Variants in PTPRD observed in about 807,000 individuals in gnomAD.
The protein encoded by PTPRD is receptor-type tyrosine-protein phosphatase delta.
Under a neutral mutation model 214.5 loss-of-function variants are expected in PTPRD, and 34 were observed. That is an observed-to-expected ratio of 0.16 (90% CI 0.12 to 0.21). The LOEUF is 0.21. Ranked by LOEUF, PTPRD falls within the 10% of genes least tolerant of loss-of-function variation. The pLI is 1.00. For synonymous variants in PTPRD, 1,128 were observed against 845.7 expected, an observed-to-expected ratio of 1.33 and a Z score of -5.79; for missense variants, 2,545 against 2,398.7, an observed-to-expected ratio of 1.06 and a Z score of -1.27.
chr9:10,284,088 A>G (rs1445531841), intron 3 of PTPRD, among the ~76,000 whole-genome samples: 1 of 152,166 alleles, frequency 6.6e-6, no homozygotes, highest in African/African-American at 2.4e-5. Flanking sequence ...TTCTGTGATT[A>G]TTAGAATTAC....
At chr9:8,609,929 C>A (rs1391161968) in intron 14 of PTPRD, among the ~76,000 whole-genome samples, 2 of 152,030 alleles carry the variant, frequency 1.3e-5, no homozygotes, top group Non-Finnish European at 2.9e-5. Flanking sequence ...TTGAATAAGA[C>A]AAGATTAGAT....
intron 12 of PTPRD, among the ~76,000 whole-genome samples, chr9:8,704,272 A>T (rs1208857112): frequency 6.6e-6 from 1 of 152,024 alleles, no homozygotes; most frequent in Non-Finnish European, 1.5e-5. Flanking sequence ...ATCTCCCTAC[A>T]CACTCCCTAA....
chr9:10,155,037 A>G (rs1003899847), intron 3 of PTPRD, among the ~76,000 whole-genome samples: 2 of 152,090 alleles, frequency 1.3e-5, no homozygotes, highest in Admixed American at 6.6e-5. Context: ...TGTTTTGGGA[A>G]GTATGGCCAT....
At position 10,519,823 on chromosome 9, in the gene PTPRD, A is replaced by C. The variant is rs75774050; in HGVS notation, c.-600+92575T>G. On this transcript the variant is annotated intron_variant, in intron 2 of 45. Coordinates refer to ENST00000381196, the MANE Select transcript of PTPRD (RefSeq NM_002839.4). ...TTTCGGGGACTCATAAACCATGTCC[A>C]TATAAAACAGTAAACTTGATTAACT... Among the ~76,000 whole-genome samples the C allele has an allele frequency of 4.6e-3, 704 of 152,214 alleles. 7 individuals carry two copies. The highest frequency in any genetic ancestry group is 0.016 in the African/African-American group (666 of 41,524).
At chr9:9,129,530 C>G (rs1374569381) in intron 10 of PTPRD, among the ~76,000 whole-genome samples, 1 of 152,092 alleles carries the variant, frequency 6.6e-6, no homozygotes, top group East Asian at 1.9e-4. Flanking sequence ...AGTCTTGGTC[C>G]TTTTAGCTTC....
At chr9:9,297,815 G>T (rs139753834) in intron 9 of PTPRD, among the ~76,000 whole-genome samples, 20 of 151,682 alleles carry the variant, frequency 1.3e-4, no homozygotes, top group African/African-American at 4.3e-4. Flanking sequence ...TAAATGACTA[G>T]CTTAGGACAT....
chr9:9,737,287 T>G lies in PTPRD; in HGVS notation c.-325-2716A>C, dbSNP rs75591835. On this transcript the variant is annotated intron_variant, in intron 6 of 45. Coordinates refer to ENST00000381196, the MANE Select transcript of PTPRD (RefSeq NM_002839.4). ...GTCTTACACAATATGCCTAATAATA[T>G]GCTTTGATAGCTGGTAGAGATTTTT... Among the ~76,000 whole-genome samples the G allele has an allele frequency of 3.5e-3, 534 of 152,296 alleles. 7 individuals carry two copies. Among genetic ancestry groups the G allele is most frequent in the African/African-American group, 0.012 (509 of 41,584 alleles).
At chr9:9,421,969 TGTAA>T (rs2078978538) in intron 8 of PTPRD, among the ~76,000 whole-genome samples, 1 of 150,740 alleles carries the variant, frequency 6.6e-6, no homozygotes, top group African/African-American at 2.4e-5. Flanking sequence ...AAACAAAAAC[TGTAA>T]GTGACACCAG....
At chr9:8,452,225 A>T (rs2133667234) in intron 33 of PTPRD, among the ~76,000 whole-genome samples, 1 of 152,340 alleles carries the variant, frequency 6.6e-6, no homozygotes, top group East Asian at 1.9e-4. Flanking sequence ...CAGCTGCTTA[A>T]ATGTATTTTG....
At chr9:8,778,734 T>G (rs2095580511) in intron 11 of PTPRD, among the ~76,000 whole-genome samples, 1 of 151,808 alleles carries the variant, frequency 6.6e-6, no homozygotes, top group Non-Finnish European at 1.5e-5. Context: ...GGCCATGGAG[T>G]GTTTCCCACT....
intron 2 of PTPRD, among the ~76,000 whole-genome samples, chr9:10,529,358 G>A (rs62538043): frequency 0.041 from 6,244 of 152,106 alleles, 186 homozygotes; most frequent in Non-Finnish European, 0.059. Context: ...ACAATATGTG[G>A]CACATATACA....
chr9:8,582,364 C>CA (rs1348439093), intron 14 of PTPRD, among the ~76,000 whole-genome samples: 3 of 151,998 alleles, frequency 2.0e-5, no homozygotes, highest in Admixed American at 6.6e-5. Flanking sequence ...GAACATGACA[C>CA]AAAAAAGCAA....
chr9:9,386,236 A>G (rs982419734), intron 9 of PTPRD, among the ~76,000 whole-genome samples: 2 of 152,124 alleles, frequency 1.3e-5, no homozygotes, highest in African/African-American at 4.8e-5. Context: ...GAAGTATGTG[A>G]GCCCCTGGCA....
At chr9:10,541,492 A>G (rs1350659159) in intron 2 of PTPRD, among the ~76,000 whole-genome samples, 1 of 152,078 alleles carries the variant, frequency 6.6e-6, no homozygotes, top group Non-Finnish European at 1.5e-5. Flanking sequence ...GTAAAAAATC[A>G]TAAGTTTATG....
At chr9:9,768,501 G>C (rs1015282657) in intron 5 of PTPRD, among the ~76,000 whole-genome samples, 1 of 152,012 alleles carries the variant, frequency 6.6e-6, no homozygotes, top group African/African-American at 2.4e-5. Flanking sequence ...CAAATTAATT[G>C]AGAAACACAA....
chr9:9,068,712 A>C (rs1173301782), intron 10 of PTPRD, among the ~76,000 whole-genome samples: 1 of 152,014 alleles, frequency 6.6e-6, no homozygotes, highest in Non-Finnish European at 1.5e-5. Flanking sequence ...CCCTGGTTCC[A>C]GCAATTCTCC....
chr9:8,660,717 T>G (rs1433727880), intron 12 of PTPRD, among the ~76,000 whole-genome samples: 1 of 152,134 alleles, frequency 6.6e-6, no homozygotes, highest in Non-Finnish European at 1.5e-5. Context: ...AAGCCCTATA[T>G]TGTATCAGGC....
At chr9:9,698,783 A>C (rs2097432014) in intron 7 of PTPRD, among the ~76,000 whole-genome samples, 1 of 152,136 alleles carries the variant, frequency 6.6e-6, no homozygotes, top group African/African-American at 2.4e-5. Flanking sequence ...AGTCTCGGAG[A>C]AATTTTCCAC....
Position 8,744,772 on chromosome 9 carries a change from C to G in PTPRD, c.-103-10826G>C, listed in dbSNP as rs780841595. On this transcript the variant is annotated intron_variant, in intron 11 of 45. Coordinates refer to ENST00000381196, the MANE Select transcript of PTPRD (RefSeq NM_002839.4). ...AGAACTTATGCACATAACCAAACAC[C>G]ATCTGTTCCTCAAAAACCTATTGAA... is the stretch of plus-strand genomic sequence containing the variant. Among the ~76,000 whole-genome samples the G allele has an allele frequency of 1.6e-4, 24 of 152,284 alleles. 1 individual carries two copies. Among genetic ancestry groups the G allele is most frequent in the African/African-American group, 5.8e-4 (24 of 41,550 alleles).
Sources: gnomAD v4.1 joint callset for allele counts (sites outside exome capture counted in the v4.1 genomes callset) on GRCh38, gnomAD v4.1.1 for gene constraint, MANE v1.5 for transcripts, NCBI Gene and HGNC (gene_info 2026-07-23, HGNC 2026-07-21) for gene names.